IL17RC: variants seen among roughly 807,000 people sequenced by gnomAD.
The protein encoded by IL17RC is interleukin 17 receptor C.
A neutral mutation model predicts 86.7 loss-of-function variants in IL17RC; 53 were observed. The ratio of observed to expected loss-of-function variants is 0.61; its 90% CI spans 0.49 to 0.77. IL17RC has a LOEUF of 0.77. Among genes scored for constraint, IL17RC ranks in the 30% least tolerant of loss-of-function variants. The pLI is 0.00. For missense variants in IL17RC, 957 were observed against 940.0 expected (o/e 1.02, Z -0.24); for synonymous variants, 439 against 413.1 (o/e 1.06, Z -0.76).
chr3:9,926,692 G>A (rs2084114859), intron 9 of IL17RC, among the ~76,000 whole-genome samples: 1 of 151,254 alleles, frequency 6.6e-6, no homozygotes, highest in African/African-American at 2.4e-5. Flanking sequence ...GCGTGATCTC[G>A]GCTCACTGCA....
chr3:9,925,355 A>G (rs2083964799), intron 9 of IL17RC, among the ~76,000 whole-genome samples: 2 of 151,128 alleles, frequency 1.3e-5, no homozygotes, highest in Non-Finnish European at 2.9e-5. Context: ...TGACCTTATG[A>G]TCCACAAGCC....
chr3:9,922,639 G>C (rs1197605867), intron 7 of IL17RC, among the ~76,000 whole-genome samples: 1 of 152,190 alleles, frequency 6.6e-6, no homozygotes, highest in African/African-American at 2.4e-5. Context: ...CAGGGTGGGG[G>C]TGAGGAAGGA....
At chr3:9,924,401 A>C (rs1349562597) in intron 9 of IL17RC, 110 bp downstream of exon 9, 4 of 1,139,716 alleles carry the variant, frequency 3.5e-6, no homozygotes, top group African/African-American at 1.5e-5. Context: ...TGAGGTGGAG[A>C]CTGTGGCTCC....
intron 12 of IL17RC, 164 bp from the exon 13 acceptor site, chr3:9,929,688 T>C (rs989079142): frequency 1.2e-5 from 9 of 745,386 alleles, no homozygotes; most frequent in Middle Eastern, 3.7e-4. Flanking sequence ...CAGAGAAAGA[T>C]GTAGTGATTC....
intron 7 of IL17RC, among the ~76,000 whole-genome samples, chr3:9,921,651 G>A (rs1485862166): frequency 1.4e-5 from 2 of 142,532 alleles, no homozygotes; most frequent in African/African-American, 5.4e-5. Context: ...TTGAGACAGA[G>A]TCTCGCTCTG....
Position 9,933,304 on chromosome 3 carries a change from C to A in IL17RC, c.1874C>A (p.Ala625Glu). The part of the protein sequence containing the change: ...CVLPDFLQGR[A>E]PGSYVGACFD... ...CTGCCCGACTTCTTGCAGGGCCGGG[C>A]GCCCGGCAGCTACGTGGGGGCCTGC... is the stretch of plus-strand genomic sequence containing the variant. The change falls in exon 19 of 19, where the codon GCG (alanine) becomes GAG (glutamate). Residue 625 changes from alanine (A) to glutamate (E), a missense_variant. Ala to Glu is a moderately radical substitution (Grantham distance 107). Transcript: ENST00000403601. 1 of 1,604,370 alleles carries A rather than the reference C, an allele frequency of 6.2e-7. No homozygotes were observed. The highest frequency in any genetic ancestry group is 8.5e-7 in the Non-Finnish European group (1 of 1,175,572).
chr3:9,932,910 G>A (rs2084908557), intron 18 of IL17RC, 43 bp from the exon 19 acceptor site: 1 of 1,608,342 alleles, frequency 6.2e-7, no homozygotes. Context: ...AGCCAGGCCT[G>A]TGCCAGCTCA....
At position 9,932,829 on chromosome 3, in the gene IL17RC, G is replaced by A. The variant is rs1401512504; in HGVS notation, c.1493G>A (p.Arg498Lys). The A allele has an allele frequency of 1.9e-6, 3 of 1,562,212 alleles. No individual in the cohort carries two copies. The highest frequency in any genetic ancestry group is 2.2e-5 in the East Asian group (1 of 44,552). Residue 498 changes from arginine (R) to lysine (K), a missense_variant, in exon 18 of 19, where the codon AGG becomes AAG. By Grantham distance (26) the Arg-to-Lys change is conservative (BLOSUM62 2). Transcript: ENST00000403601. ...CCCTCTCCCCTAACAGGGTGGCTGA[G>A]GCTCTTGAAACAGGACGTCCGCTCG... ...LKKDHAKGWLRLLKQDVRSGA... is the reference protein window; with the variant it reads ...LKKDHAKGWLKLLKQDVRSGA...
rs532573043 is a variant in IL17RC at position 9,927,689 on chromosome 3, C to CCAA, written c.823-474_823-472dup. Among the ~76,000 whole-genome samples, 6 of 152,172 alleles carry CCAA rather than the reference C, an allele frequency of 3.9e-5. No homozygotes were observed. In the South Asian group the frequency reaches 1.2e-3, roughly 32 times the overall value. On this transcript the variant is annotated intron_variant, in intron 9 of 18. Coordinates refer to ENST00000403601, the MANE Select transcript of IL17RC (RefSeq NM_153460.4). ...GGCGCGGTGGCTCACGCTTGTAATCCCAACACTTTGGGAGGCTGAGACGGG... is the reference window on the plus strand; with the variant it reads ...GGCGCGGTGGCTCACGCTTGTAATCCCAACAACACTTTGGGAGGCTGAGACGGG...
chr3:9,930,816 G>A lies in IL17RC; in HGVS notation c.1339-79G>A. The A allele has an allele frequency of 7.8e-7, 1 of 1,283,912 alleles. No homozygotes were observed. The highest frequency in any genetic ancestry group is 1.1e-6 in the Non-Finnish European group (1 of 879,046). The allele number at this position is 1,283,912 out of a possible 1,614,324, so 79.5% of individuals were successfully genotyped here. A position where few individuals can be genotyped will look rare whatever the true frequency, so the allele number is the denominator to read the frequency against. On this transcript the variant is annotated intron_variant, in intron 15 of 18. Transcript: ENST00000403601. This position sits in a 1 kb window ranked among gnomAD's most constrained non-coding sequence, Gnocchi z 5.8. ...ATGCATAGTTGATGCTGGGAATTTGGAGATCAGGCCACCAGAGCTTGGTGA... is the reference window on the plus strand; with the variant it reads ...ATGCATAGTTGATGCTGGGAATTTGAAGATCAGGCCACCAGAGCTTGGTGA...
chr3:9,918,387 A>G lies in IL17RC; in HGVS notation c.333A>G (p.Ser111=), dbSNP rs1468331774. 1.2e-6 allele frequency: 2 copies of G among 1,610,590 alleles called. No individual in the cohort carries two copies. The highest frequency in any genetic ancestry group is 1.7e-5 in the Admixed American group (1 of 59,392). The change falls in exon 4 of 19, where the codon TCA becomes TCG. Residue 111 remains serine (S), a synonymous_variant. Transcript: ENST00000403601. ...DEEKFGGAAD[S]GVEEPRNASL... ...AAAAGTTTGGAGGAGCAGCTGACTC[A>G]GGGGTGGAGGAGCCTAGGAATGGTG...
At chr3:9,923,176 CAA>C (rs377645102) in intron 7 of IL17RC, among the ~76,000 whole-genome samples, 17 of 86,202 alleles carry the variant, frequency 2.0e-4, no homozygotes, top group Non-Finnish European at 2.4e-4. Flanking sequence ...GACTCCATCT[CAA>C]AAAAAAAAAA....
chr3:9,926,170 A>G (rs1387357390), intron 9 of IL17RC, among the ~76,000 whole-genome samples: 4 of 150,832 alleles, frequency 2.7e-5, no homozygotes, highest in Non-Finnish European at 5.9e-5. Flanking sequence ...AGTAGCTGAG[A>G]TTACAGGCAC....
At chr3:9,918,132 C>T in intron 3 of IL17RC, 57 bp downstream of exon 3, 21 of 1,523,210 alleles carry the variant, frequency 1.4e-5, no homozygotes, top group Non-Finnish European at 1.9e-5. Flanking sequence ...CTGGGGTGGG[C>T]ATGAGGGCCA....
chr3:9,926,697 A>C (rs1180330713), intron 9 of IL17RC, among the ~76,000 whole-genome samples: 3 of 151,478 alleles, frequency 2.0e-5, no homozygotes, highest in African/African-American at 7.3e-5. Flanking sequence ...ATCTCGGCTC[A>C]CTGCAATCTC....
At chr3:9,929,767 C>G in intron 12 of IL17RC, 85 bp from the exon 13 acceptor site, 1 of 1,445,606 alleles carries the variant, frequency 6.9e-7, no homozygotes, top group Non-Finnish European at 9.7e-7. Flanking sequence ...ACCCAACAGG[C>G]CTTCTGTTGC....
intron 11 of IL17RC, 36 bp from the exon 12 acceptor site, chr3:9,928,544 C>T: frequency 1.2e-6 from 2 of 1,613,836 alleles, no homozygotes; most frequent in Non-Finnish European, 8.5e-7. Context: ...CCGGGGGTCC[C>T]CTTTTGTGAT....
At chr3:9,924,856 C>T (rs2083909172) in intron 9 of IL17RC, among the ~76,000 whole-genome samples, 1 of 152,162 alleles carries the variant, frequency 6.6e-6, no homozygotes, top group South Asian at 2.1e-4. Context: ...GGCTGGAGTG[C>T]AGTGGCACAA....
rs1559331415 is a variant in IL17RC at position 9,933,614 on chromosome 3, T to TC, written c.*22dup. ...CTTAAATAAAGGCAGACGCTGTTTT[T>TC]CTACCCATGTGGCCCACACGCGTCT... On this transcript the variant is annotated 3_prime_UTR_variant, in exon 19 of 19. Coordinates refer to ENST00000403601, the MANE Select transcript of IL17RC (RefSeq NM_153460.4). 2 of 1,549,308 alleles carry TC rather than the reference T, an allele frequency of 1.3e-6. No homozygotes were observed. Among genetic ancestry groups the TC allele is most frequent in the Non-Finnish European group, 1.7e-6 (2 of 1,151,460 alleles).
Sources: gnomAD v4.1 joint callset for allele counts (sites outside exome capture counted in the v4.1 genomes callset) on GRCh38, gnomAD v4.1.1 for gene constraint, Gnocchi (gnomAD v3.1) non-coding constraint, MANE v1.5 for transcripts, NCBI Gene and HGNC (gene_info 2026-07-23, HGNC 2026-07-21) for gene names.